ASB3: variants seen among roughly 807,000 people sequenced by gnomAD.
ASB3 encodes the protein ankyrin repeat and SOCS box containing 3.
ASB3 carries 41 observed loss-of-function variants against 54.5 expected under a neutral mutation model. The observed-to-expected ratio is 0.75, with a 90% CI of 0.59 to 0.98. The LOEUF (loss-of-function observed/expected upper bound fraction) is 0.98. ASB3 is among the 50% of genes least tolerant of loss of function. The probability of loss-of-function intolerance (pLI) is 0.00; values close to 1 mark genes in which losing one functional copy is unlikely to be tolerated. For synonymous variants in ASB3, 266 were observed against 221.2 expected, an observed-to-expected ratio of 1.20 and a Z score of -1.80; for missense variants, 733 against 620.0, an observed-to-expected ratio of 1.18 and a Z score of -1.94.
rs1348989911 is a variant in ASB3, at chr2:53,767,779, G to C, written c.-13-2194C>G. On this transcript the variant is annotated intron_variant, in intron 1 of 9. Coordinates refer to ENST00000263634, the MANE Select transcript of ASB3 (RefSeq NM_016115.5). The stretch of plus-strand genomic sequence containing the variant: ...GCGCTTTGCGCCCCAAGTGGCCATC[G>C]CGCCTGCGCCCCGCGCGGCCGGTTA... 2.1e-6 allele frequency: 3 copies of C among 1,412,488 alleles called. No homozygotes were observed. In the African/African-American group the frequency reaches 4.3e-5, roughly 20 times the overall value. 87.5% of individuals were successfully genotyped at this position (1,412,488 alleles called of 1,614,324 possible).
intron 9 of ASB3, among the ~76,000 whole-genome samples, chr2:53,692,811 G>A (rs1293408073): frequency 6.6e-5 from 10 of 152,106 alleles, no homozygotes. Flanking sequence ...TACATAATTA[G>A]TAAAAGCAGA....
chr2:53,771,844 A>C, intron 1 of ASB3: 1 of 872,418 alleles, frequency 1.1e-6, no homozygotes, highest in Admixed American at 2.2e-5. Context: ...AATGTTGCTA[A>C]TGCTCAGCTA....
chr2:53,720,841 A>G (rs1165840147), intron 5 of ASB3, among the ~76,000 whole-genome samples: 1 of 152,104 alleles, frequency 6.6e-6, no homozygotes, highest in East Asian at 1.9e-4. Flanking sequence ...GCCAAAAAGC[A>G]CATCTCAATA....
chr2:53,747,565 G>A (rs1382412526), intron 3 of ASB3, among the ~76,000 whole-genome samples: 4 of 152,152 alleles, frequency 2.6e-5, no homozygotes, highest in Non-Finnish European at 5.9e-5. Flanking sequence ...ACGTTTCAAA[G>A]CTCTGCGATA....
Position 53,716,582 on chromosome 2 carries a change from G to C in ASB3, c.766C>G (p.Gln256Glu), listed in dbSNP as rs1479573432. 1.2e-6 allele frequency: 2 copies of C among 1,612,876 alleles called. No individual in the cohort carries two copies. Among genetic ancestry groups the C allele is most frequent in the African/African-American group, 2.7e-5 (2 of 74,866 alleles). ...SWQLPIHAAAQMGHTKILDLL... is the reference protein window; with the variant it reads ...SWQLPIHAAAEMGHTKILDLL... ...AACACTTACTTTGTATGGCCCATTT[G>C]TGCAGCTGCATGAATAGGTAACTGC... Residue 256 changes from glutamine to glutamate, a missense_variant, in exon 6 of 10, where the codon CAA becomes GAA. Transcript: ENST00000263634.
Position 53,671,795 on chromosome 2 carries a change from T to A in ASB3, c.1370-1105A>T, listed in dbSNP as rs187114325. On this transcript the variant is annotated intron_variant, in intron 9 of 9. Coordinates refer to ENST00000263634, the MANE Select transcript of ASB3 (RefSeq NM_016115.5). ...AGAAAAGAATCATATGATAGCAGTT[T>A]CATTTTCCAAGATGAAAAGTGTTAA... Among the ~76,000 whole-genome samples the A allele has an allele frequency of 1.6e-5, 2 of 122,566 alleles. 1 individual carries two copies. The highest frequency in any genetic ancestry group is 5.9e-5 in the African/African-American group (2 of 33,992). 80.4% of individuals were successfully genotyped at this position (122,566 alleles called of 152,430 possible). A position where few individuals can be genotyped will look rare whatever the true frequency, so the allele number is the denominator to read the frequency against.
chr2:53,762,242 G>T (rs957157145), intron 2 of ASB3, among the ~76,000 whole-genome samples: 1 of 152,066 alleles, frequency 6.6e-6, no homozygotes, highest in African/African-American at 2.4e-5. Context: ...TTTGCTGACT[G>T]ACTAGATGAG....
intron 1 of ASB3, among the ~76,000 whole-genome samples, chr2:53,777,397 AG>A (rs1674400292): frequency 2.6e-5 from 4 of 152,242 alleles, no homozygotes; most frequent in Admixed American, 2.6e-4. Context: ...ATGTCACTAA[AG>A]CCAAAGACAA....
intron 1 of ASB3, among the ~76,000 whole-genome samples, chr2:53,769,625 T>A (rs1673750560): frequency 6.6e-6 from 1 of 152,188 alleles, no homozygotes; most frequent in South Asian, 2.1e-4. Context: ...GGCGGGTGGA[T>A]CACCTGAGGT....
chr2:53,770,487 C>T (rs6716978), intron 1 of ASB3, among the ~76,000 whole-genome samples: 10,165 of 119,120 alleles, frequency 0.085, 560 homozygotes, highest in African/African-American at 0.2. Context: ...ACTCCGTGGA[C>T]GAAGTTTATT....
chr2:53,774,556 C>A, intron 1 of ASB3: 2 of 1,436,386 alleles, frequency 1.4e-6, no homozygotes, highest in Non-Finnish European at 1.9e-6. Context: ...CTTCAGTGCA[C>A]AATGACAATA....
intron 7 of ASB3, among the ~76,000 whole-genome samples, chr2:53,701,142 T>A (rs901266566): frequency 6.6e-6 from 1 of 152,160 alleles, no homozygotes; most frequent in Non-Finnish European, 1.5e-5. Flanking sequence ...CCTGGCTAAT[T>A]TTTAAATTTT....
At position 53,716,521 on chromosome 2, in the gene ASB3, C is replaced by G. The variant is rs1474069782; in HGVS notation, c.782+45G>C. On this transcript the variant is annotated intron_variant, in intron 6 of 9. Transcript: ENST00000263634. Reference sequence around the variant, plus strand: ...CTAGCCCAGATTTATTCTTTATTAGCTTTTGATTAAGAGACCATGTTTATT... The same window carrying G: ...CTAGCCCAGATTTATTCTTTATTAGGTTTTGATTAAGAGACCATGTTTATT... The G allele has an allele frequency of 6.3e-6, 10 of 1,585,520 alleles. No homozygotes were observed. The South Asian group carries it at 1.2e-4, about 18-fold the overall frequency.
chr2:53,757,095 A>C (rs1298504460), intron 2 of ASB3, among the ~76,000 whole-genome samples: 6 of 152,180 alleles, frequency 3.9e-5, no homozygotes, highest in African/African-American at 9.7e-5. Context: ...CCCCCCAGTA[A>C]CATTTTGGTG....
Position 53,670,291 on chromosome 2 carries a change from AATTTTT to A in ASB3, c.*206_*211del. 1 of 437,956 alleles carries A rather than the reference AATTTTT, an allele frequency of 2.3e-6. No homozygotes were observed. Among genetic ancestry groups the A allele is most frequent in the Non-Finnish European group, 3.9e-6 (1 of 255,850 alleles). 27.1% of individuals were successfully genotyped at this position (437,956 alleles called of 1,614,324 possible). Reference sequence around the variant, plus strand: ...ATAAAGTAATATAAGTGATGTTTACAATTTTTTTTTTTTTTTTTTTTTTTTTTACTG... The same window carrying A: ...ATAAAGTAATATAAGTGATGTTTACATTTTTTTTTTTTTTTTTTTTTACTG... On this transcript the variant is annotated 3_prime_UTR_variant, in exon 10 of 10. Coordinates refer to ENST00000263634, the MANE Select transcript of ASB3 (RefSeq NM_016115.5).
chr2:53,734,072 G>A, intron 3 of ASB3, among the ~76,000 whole-genome samples: 1 of 152,214 alleles, frequency 6.6e-6, no homozygotes, highest in Admixed American at 6.5e-5. Flanking sequence ...CCCTGGGTGG[G>A]CCAGGTGTCC....
Position 53,676,866 on chromosome 2 carries a change from TCAAG to T in ASB3, c.1370-6180_1370-6177del, listed in dbSNP as rs1287819837. On this transcript the variant is annotated intron_variant, in intron 9 of 9. Transcript: ENST00000263634. ...CTCACTGCAACTTTGCCTCCCAGGT[TCAAG>T]CAATTCTCCTGCCTCAGCCTCCCGA... Among the ~76,000 whole-genome samples, 12 of 152,334 alleles carry T rather than the reference TCAAG, an allele frequency of 7.9e-5. No individual in the cohort carries two copies. In the East Asian group the frequency reaches 2.3e-3, roughly 29 times the overall value.
intron 1 of ASB3, among the ~76,000 whole-genome samples, chr2:53,781,367 A>C (rs1270947835): frequency 6.6e-6 from 1 of 151,768 alleles, no homozygotes; most frequent in African/African-American, 2.4e-5. Context: ...AGCCAAAACC[A>C]TGCCATTGCA....
intron 7 of ASB3, among the ~76,000 whole-genome samples, chr2:53,710,632 A>G (rs1258162096): frequency 6.6e-6 from 1 of 152,242 alleles, no homozygotes; most frequent in African/African-American, 2.4e-5. Context: ...TTTGAAGAAC[A>G]CTAGCTTTTT....
Sources: allele counts gnomAD v4.1 joint callset (sites outside exome capture counted in the v4.1 genomes callset), GRCh38; gene constraint gnomAD v4.1.1; transcripts MANE v1.5; gene names NCBI Gene and HGNC (gene_info 2026-07-23, HGNC 2026-07-21).